CPQ: variants seen among roughly 807,000 people sequenced by gnomAD.
CPQ encodes the protein carboxypeptidase Q, also known as Ser-Met dipeptidase.
In CPQ, 37 loss-of-function variants were observed where a neutral mutation model predicts 45.7. That is an observed-to-expected ratio of 0.81 (90% confidence interval 0.62 to 1.07). CPQ has a LOEUF of 1.07. CPQ is among the 50% of genes least tolerant of loss of function. The probability of loss-of-function intolerance (pLI) is 0.00; values close to 1 mark genes in which losing one functional copy is unlikely to be tolerated. For missense variants in CPQ, 537 were observed against 572.9 expected (o/e 0.94, Z 0.64); for synonymous variants, 186 against 205.8 (o/e 0.90, Z 0.82).
At chr8:97,091,096 A>G (rs1480021652) in intron 7 of CPQ, among the ~76,000 whole-genome samples, 1 of 152,164 alleles carries the variant, frequency 6.6e-6, no homozygotes, top group African/African-American at 2.4e-5. Context: ...TTTTGTGTAG[A>G]GGAGAGTTTG....
chr8:97,002,952 G>A (rs1199549179), intron 5 of CPQ, among the ~76,000 whole-genome samples: 1 of 152,110 alleles, frequency 6.6e-6, no homozygotes, highest in Admixed American at 6.6e-5. Context: ...CCTGTGTTGG[G>A]TGCATATATA....
intron 7 of CPQ, among the ~76,000 whole-genome samples, chr8:97,104,921 T>C (rs1030962524): frequency 1.3e-5 from 2 of 152,238 alleles, no homozygotes; most frequent in Non-Finnish European, 2.9e-5. Context: ...AGGAATACTT[T>C]TAATTTCACT....
chr8:97,142,299 G>A (rs1383206049), intron 7 of CPQ, among the ~76,000 whole-genome samples: 1 of 152,120 alleles, frequency 6.6e-6, no homozygotes, highest in Non-Finnish European at 1.5e-5. Context: ...ATAAATAAGA[G>A]ACAATGAAGT....
At chr8:96,776,010 T>A (rs1468485605) in intron 1 of CPQ, among the ~76,000 whole-genome samples, 2 of 152,208 alleles carry the variant, frequency 1.3e-5, no homozygotes, top group Admixed American at 6.5e-5. Flanking sequence ...CTACCAATAG[T>A]AGGAACTGGG....
chr8:96,661,200 A>T (rs937136361), intron 1 of CPQ, among the ~76,000 whole-genome samples: 4 of 152,216 alleles, frequency 2.6e-5, no homozygotes, highest in Admixed American at 6.5e-5. Flanking sequence ...ACTTTTTTTT[A>T]AAAAAGACTT....
intron 4 of CPQ, among the ~76,000 whole-genome samples, chr8:96,917,750 G>C (rs1423234153): frequency 2.0e-5 from 3 of 152,048 alleles, no homozygotes; most frequent in Non-Finnish European, 4.4e-5. Flanking sequence ...TATCTATTAA[G>C]ATAAACATGA....
At position 96,787,525 on chromosome 8, in the gene CPQ, C is replaced by CTTTTTTTTTTTT. The variant is rs71267281; in HGVS notation, c.433+2214_433+2225dup. ...TTGTAGTTTCATTTTCTTATAATGTCTTTTTTTTTTTTTTTTTTTTTTTTT... is the reference window on the plus strand; with the variant it reads ...TTGTAGTTTCATTTTCTTATAATGTCTTTTTTTTTTTTTTTTTTTTTTTTTTTTTTTTTTTTT... On this transcript the variant is annotated intron_variant, in intron 2 of 7. Transcript: ENST00000220763. Among the ~76,000 whole-genome samples, 377 of 47,582 alleles carry CTTTTTTTTTTTT rather than the reference C, an allele frequency of 7.9e-3. 109 individuals are homozygous for CTTTTTTTTTTTT. The highest frequency in any genetic ancestry group is 0.01 in the Non-Finnish European group (270 of 26,800). The allele number at this position is 47,582 out of a possible 152,430, so 31.2% of individuals were successfully genotyped here.
chr8:97,133,158 T>C (rs943217854), intron 7 of CPQ: 2 of 152,176 alleles, frequency 1.3e-5, no homozygotes, highest in Non-Finnish European at 2.9e-5. Flanking sequence ...TACAGACACA[T>C]GCACACATAT....
chr8:96,737,341 C>CAG (rs1474273340), intron 1 of CPQ, among the ~76,000 whole-genome samples: 23 of 66,544 alleles, frequency 3.5e-4, no homozygotes, highest in African/African-American at 1.0e-3. Context: ...CACACTCACA[C>CAG]AGAACTAATA....
intron 1 of CPQ, chr8:96,659,408 G>A (rs1341013633): frequency 6.6e-6 from 1 of 152,200 alleles, no homozygotes; most frequent in African/African-American, 2.4e-5. Flanking sequence ...CTTCAGTTCT[G>A]TGGGGCATCC....
At chr8:96,705,065 C>T (rs1248214872) in intron 1 of CPQ, among the ~76,000 whole-genome samples, 1 of 152,008 alleles carries the variant, frequency 6.6e-6, no homozygotes, top group Non-Finnish European at 1.5e-5. Flanking sequence ...TGAGGAACTT[C>T]CTCTTTTAAA....
intron 7 of CPQ, among the ~76,000 whole-genome samples, chr8:97,072,838 C>T (rs567220844): frequency 1.3e-5 from 2 of 152,170 alleles, no homozygotes; most frequent in Non-Finnish European, 2.9e-5. Flanking sequence ...CACCTCTCCT[C>T]TTAGTACTTA....
intron 1 of CPQ, among the ~76,000 whole-genome samples, chr8:96,677,447 G>A (rs112681685): frequency 0.024 from 3,691 of 152,110 alleles, 165 homozygotes; most frequent in African/African-American, 0.084. Context: ...ATCTTTGCAT[G>A]TGTTTGGTGG....
intron 3 of CPQ, among the ~76,000 whole-genome samples, chr8:96,871,500 C>T (rs1473445193): frequency 7.0e-6 from 1 of 142,572 alleles, no homozygotes; most frequent in African/African-American, 2.6e-5. Context: ...ATTCAAATTG[C>T]TACTGTGATA....
chr8:96,701,919 T>A (rs1471896337), intron 1 of CPQ, among the ~76,000 whole-genome samples: 1 of 152,192 alleles, frequency 6.6e-6, no homozygotes, highest in Non-Finnish European at 1.5e-5. Context: ...ACCCTAACTT[T>A]CCATATTCTC....
At chr8:96,873,140 T>C (rs1264363941) in intron 3 of CPQ, among the ~76,000 whole-genome samples, 1 of 151,884 alleles carries the variant, frequency 6.6e-6, no homozygotes, top group Non-Finnish European at 1.5e-5. Flanking sequence ...CGGATGAACA[T>C]AAGATATTAA....
At chr8:96,729,731 T>C (rs115630566) in intron 1 of CPQ, among the ~76,000 whole-genome samples, 1,739 of 152,314 alleles carry the variant, frequency 0.011, 38 homozygotes, top group African/African-American at 0.04. Flanking sequence ...ATTAACTATA[T>C]AATTTCTTAA....
intron 1 of CPQ, among the ~76,000 whole-genome samples, chr8:96,777,034 G>A (rs970648842): frequency 1.3e-5 from 2 of 152,078 alleles, no homozygotes; most frequent in Non-Finnish European, 2.9e-5. Context: ...ATTTCAAATA[G>A]TCCTATAATT....
chr8:97,036,537 T>A (rs2130480806), intron 6 of CPQ, among the ~76,000 whole-genome samples: 1 of 152,262 alleles, frequency 6.6e-6, no homozygotes, highest in Non-Finnish European at 1.5e-5. Context: ...TTCAAATCAG[T>A]GAATAAAGTG....
Sources: gnomAD v4.1 joint callset for allele counts (sites outside exome capture counted in the v4.1 genomes callset) on GRCh38, gnomAD v4.1.1 for gene constraint, MANE v1.5 for transcripts, NCBI Gene and HGNC (gene_info 2026-07-23, HGNC 2026-07-21) for gene names.